IRF4: variants seen among roughly 807,000 people sequenced by gnomAD.
IRF4 encodes lymphocyte-specific interferon regulatory factor.
Under a neutral mutation model 55.5 loss-of-function variants are expected in IRF4, and 13 were observed. The ratio of observed to expected loss-of-function variants is 0.23; its 90% CI spans 0.15 to 0.37. The LOEUF (loss-of-function observed/expected upper bound fraction) is 0.37. Among genes scored for constraint, IRF4 ranks in the 10% least tolerant of loss-of-function variants. The pLI is 1.00. For synonymous variants in IRF4, 249 were observed against 240.7 expected (o/e 1.03, Z -0.32); for missense variants, 397 against 593.8 (o/e 0.67, Z 3.44).
Position 408,715 on chromosome 6 carries a change from A to C in IRF4, c.*1117A>C. 1 of 231,246 alleles carries C rather than the reference A, an allele frequency of 4.3e-6. No individual in the cohort carries two copies. The highest frequency in any genetic ancestry group is 6.1e-5 in the East Asian group (1 of 16,506). The allele number at this position is 231,246 out of a possible 1,614,324, so 14.3% of individuals were successfully genotyped here. A position where few individuals can be genotyped will look rare whatever the true frequency, so the allele number is the denominator to read the frequency against. The stretch of plus-strand genomic sequence containing the variant: ...CGCTCCTCTGTTTGTTTGGCTGTCC[A>C]GCGATCAGCCATGGCGACACTAAAG... On this transcript the variant is annotated 3_prime_UTR_variant, in exon 9 of 9. Transcript: ENST00000380956.
Position 411,019 on chromosome 6 carries a change from C to A in IRF4, c.*3421C>A, listed in dbSNP as rs1022242340. The A allele has an allele frequency of 1.7e-5, 4 of 232,826 alleles. No individual in the cohort carries two copies. The highest frequency in any genetic ancestry group is 1.7e-5 in the Non-Finnish European group (2 of 117,798). 14.4% of individuals were successfully genotyped at this position (232,826 alleles called of 1,614,324 possible). A position where few individuals can be genotyped will look rare whatever the true frequency, so the allele number is the denominator to read the frequency against. ...CAGTTTTTTTTTGTATTGATTTTCA[C>A]AGCTTTGAGGAACATGCATAAGAAA... is the stretch of plus-strand genomic sequence containing the variant. On this transcript the variant is annotated 3_prime_UTR_variant, in exon 9 of 9. Transcript: ENST00000380956.
intron 5 of IRF4, among the ~76,000 whole-genome samples, chr6:398,137 G>A (rs1431559695): frequency 6.6e-6 from 1 of 152,230 alleles, no homozygotes; most frequent in African/African-American, 2.4e-5. Flanking sequence ...CAATATGGTA[G>A]TGGAGGAATT....
At position 399,502 on chromosome 6, in the gene IRF4, T is replaced by TAAA. The variant is rs11428766; in HGVS notation, c.745+581_745+583dup. 4.7e-3 allele frequency among the ~76,000 whole-genome samples: 679 copies of TAAA among 144,346 alleles called. 8 individuals carry two copies. The highest frequency in any genetic ancestry group is 0.015 in the African/African-American group (605 of 39,158). 94.7% of individuals were successfully genotyped at this position (144,346 alleles called of 152,430 possible). A position where few individuals can be genotyped will look rare whatever the true frequency, so the allele number is the denominator to read the frequency against. ...AATCTGATTTTTAAAGTTTTATTTCTAAAAAAAAAAAAAAAATCCCTGCAC... is the reference window on the plus strand; with the variant it reads ...AATCTGATTTTTAAAGTTTTATTTCTAAAAAAAAAAAAAAAAAAATCCCTGCAC... On this transcript the variant is annotated intron_variant, in intron 6 of 8. Coordinates refer to ENST00000380956, the MANE Select transcript of IRF4 (RefSeq NM_002460.4).
rs140709145 is a variant in IRF4 at position 409,356 on chromosome 6, C to T, written c.*1758C>T. On this transcript the variant is annotated 3_prime_UTR_variant, in exon 9 of 9. Coordinates refer to ENST00000380956, the MANE Select transcript of IRF4 (RefSeq NM_002460.4). ...AAATAAAAAGGATCTCCTTTTTTCC[C>T]AGCCCAAATTCTCCTCTCTAAAAGT... 1.2e-3 allele frequency: 237 copies of T among 198,570 alleles called. 2 individuals carry two copies. Among genetic ancestry groups the T allele is most frequent in the African/African-American group, 5.2e-3 (226 of 43,452 alleles). The allele number at this position is 198,570 out of a possible 1,614,324, so 12.3% of individuals were successfully genotyped here. A position where few individuals can be genotyped will look rare whatever the true frequency, so the allele number is the denominator to read the frequency against.
At chr6:396,418 A>G (rs1308294008) in intron 4 of IRF4, among the ~76,000 whole-genome samples, 3 of 152,196 alleles carry the variant, frequency 2.0e-5, no homozygotes, top group East Asian at 1.9e-4. Context: ...ATGATCCTCC[A>G]TGAGTGTTTT....
In IRF4 at chr6:407,661, C is replaced by G; in HGVS notation, c.*63C>G. 2.2e-6 allele frequency: 3 copies of G among 1,360,206 alleles called. No homozygotes were observed. Among genetic ancestry groups the G allele is most frequent in the Non-Finnish European group, 3.0e-6 (3 of 1,008,846 alleles). 84.3% of individuals were successfully genotyped at this position (1,360,206 alleles called of 1,614,324 possible). Reference sequence around the variant, plus strand: ...TTTTTTTTTTTTTGATACGGGGATACGGGGTCTTGCTCTGTCTCCCAGGCT... The same window carrying G: ...TTTTTTTTTTTTTGATACGGGGATAGGGGGTCTTGCTCTGTCTCCCAGGCT... On this transcript the variant is annotated 3_prime_UTR_variant, in exon 9 of 9. Transcript: ENST00000380956.
rs746548527 is a variant in IRF4 at position 410,022 on chromosome 6, G to A, written c.*2424G>A. The A allele has an allele frequency of 8.8e-6, 2 of 228,054 alleles. No homozygotes were observed. The highest frequency in any genetic ancestry group is 1.7e-5 in the Non-Finnish European group (2 of 114,834). 14.1% of individuals were successfully genotyped at this position (228,054 alleles called of 1,614,324 possible). A position where few individuals can be genotyped will look rare whatever the true frequency, so the allele number is the denominator to read the frequency against. On this transcript the variant is annotated 3_prime_UTR_variant, in exon 9 of 9. Coordinates refer to ENST00000380956, the MANE Select transcript of IRF4 (RefSeq NM_002460.4). ...TTTTTAAAATTCTGAGTGATCCAGG[G>A]TATGACCTAGGGAATGAACTAGCTA...
intron 4 of IRF4, 157 bp downstream of exon 4, chr6:396,092 A>G (rs1208153215): frequency 8.2e-6 from 5 of 611,960 alleles, no homozygotes; most frequent in South Asian, 2.0e-5. Context: ...CGAATGTCTC[A>G]CTTTCCACAC....
At chr6:399,052 C>A in intron 6 of IRF4, 117 bp downstream of exon 6, 1 of 617,978 alleles carries the variant, frequency 1.6e-6, no homozygotes, top group Non-Finnish European at 2.8e-6. Flanking sequence ...CCTCTGGGGT[C>A]TGGAGTAGAT....
chr6:406,789 C>T (rs544079254), intron 8 of IRF4: 514 of 1,212,046 alleles, frequency 4.2e-4, no homozygotes, highest in Non-Finnish European at 5.1e-4. Context: ...TAGCTTAAGT[C>T]GTCATATATA....
Position 401,456 on chromosome 6 carries a change from G to A in IRF4, c.778G>A (p.Glu260Lys). ...CRLHICLYYREILVKELTTSS... is the reference protein window; with the variant it reads ...CRLHICLYYRKILVKELTTSS... ...GCTGCACATCTGCCTGTACTACCGG[G>A]AAATCCTCGTGAAGGAGCTGACCAC... Residue 260 changes from glutamate to lysine, a missense_variant, in exon 7 of 9, where the codon GAA (glutamate) becomes AAA (lysine). Coordinates refer to ENST00000380956, the MANE Select transcript of IRF4 (RefSeq NM_002460.4). 6.2e-7 allele frequency: 1 copy of A among 1,613,656 alleles called. No homozygotes were observed. Among genetic ancestry groups the A allele is most frequent in the Non-Finnish European group, 8.5e-7 (1 of 1,180,012 alleles).
At chr6:397,599 G>C (rs1761300683) in intron 5 of IRF4, 1 of 221,524 alleles carries the variant, frequency 4.5e-6, no homozygotes, top group Non-Finnish European at 8.8e-6. Context: ...TATTGAGCTG[G>C]TATATTTCTC....
chr6:407,611 T>C lies in IRF4; in HGVS notation c.*13T>C. 3 of 1,582,238 alleles carry C rather than the reference T, an allele frequency of 1.9e-6. 1 individual carries two copies. The highest frequency in any genetic ancestry group is 2.4e-5 in the South Asian group (2 of 84,720). ...TATTCAAGAATGAAAAATGTCAAGATGAGTGGTTTTCTTTTTCCTTTTTTT... is the reference window on the plus strand; with the variant it reads ...TATTCAAGAATGAAAAATGTCAAGACGAGTGGTTTTCTTTTTCCTTTTTTT... On this transcript the variant is annotated 3_prime_UTR_variant, in exon 9 of 9. Transcript: ENST00000380956.
intron 4 of IRF4, among the ~76,000 whole-genome samples, chr6:396,599 T>A (rs1761266476): frequency 7.4e-6 from 1 of 134,838 alleles, no homozygotes. Flanking sequence ...CCCGTCTCGA[T>A]GCCAGTGCTT....
At chr6:397,274 G>A (rs771254551) in intron 5 of IRF4, 22 bp downstream of exon 5, 13 of 1,613,412 alleles carry the variant, frequency 8.1e-6, no homozygotes, top group African/African-American at 1.3e-5. Flanking sequence ...ACCAGTGCAG[G>A]AAATAGAAGA....
In IRF4 at chr6:409,174, A is replaced by G. The variant is rs1436842570; in HGVS notation, c.*1576A>G. 1.4e-5 allele frequency: 3 copies of G among 207,770 alleles called. No individual in the cohort carries two copies. The highest frequency in any genetic ancestry group is 4.6e-5 in the African/African-American group (2 of 43,902). The allele number at this position is 207,770 out of a possible 1,614,324, so 12.9% of individuals were successfully genotyped here. On this transcript the variant is annotated 3_prime_UTR_variant, in exon 9 of 9. Transcript: ENST00000380956. ...CCTAGTAAGTGCCTGCTGTATCCCT[A>G]CATTACACAGTTCAGCCTTTATCAA...
chr6:392,416 C>T (rs1209950856), intron 1 of IRF4, among the ~76,000 whole-genome samples: 2 of 152,266 alleles, frequency 1.3e-5, no homozygotes, highest in Non-Finnish European at 2.9e-5. Flanking sequence ...CTCCGCTCTC[C>T]CGGGCCTGCT....
chr6:406,683 G>A (rs1030605431), intron 8 of IRF4: 29 of 572,214 alleles, frequency 5.1e-5, no homozygotes, highest in Non-Finnish European at 6.7e-5. Context: ...TGAAGACGAG[G>A]CTGCGTGGTC....
intron 7 of IRF4, among the ~76,000 whole-genome samples, chr6:402,441 G>A (rs1318583115): frequency 5.3e-5 from 8 of 151,862 alleles, no homozygotes; most frequent in Non-Finnish European, 1.0e-4. Context: ...AGCCTCCCGC[G>A]TGGGAGGGAG....
Sources: gnomAD v4.1 joint callset for allele counts (sites outside exome capture counted in the v4.1 genomes callset) on GRCh38, gnomAD v4.1.1 for gene constraint, MANE v1.5 for transcripts, NCBI Gene and HGNC (gene_info 2026-07-23, HGNC 2026-07-21) for gene names.